SCAMP2: variants seen among roughly 807,000 people sequenced by gnomAD.
The protein encoded by SCAMP2 is secretory carrier membrane protein 2.
Under a neutral mutation model 44.1 loss-of-function variants are expected in SCAMP2, and 25 were observed. That is an observed-to-expected ratio of 0.57 (90% CI 0.41 to 0.79). SCAMP2 has a LOEUF of 0.79. SCAMP2 is among the 30% of genes least tolerant of loss of function. The probability of loss-of-function intolerance (pLI) is 0.00; values close to 1 mark genes in which losing one functional copy is unlikely to be tolerated. For missense variants in SCAMP2, 355 were observed against 411.0 expected (o/e 0.86, Z 1.18); for synonymous variants, 156 against 166.0 (o/e 0.94, Z 0.46).
intron 1 of SCAMP2, among the ~76,000 whole-genome samples, chr15:74,866,953 C>T (rs912420079): frequency 7.9e-5 from 12 of 152,116 alleles, no homozygotes; most frequent in East Asian, 1.9e-4. Context: ...CCCGCCATCA[C>T]GCCTGGCTAA....
chr15:74,856,446 T>TA (rs2064469685), intron 1 of SCAMP2, among the ~76,000 whole-genome samples: 1 of 151,600 alleles, frequency 6.6e-6, no homozygotes, highest in African/African-American at 2.4e-5. Context: ...AGCTAATTTT[T>TA]ATATTTTTAG....
chr15:74,852,188 TG>T lies in SCAMP2; in HGVS notation c.226-3del. 1.3e-6 allele frequency: 2 copies of T among 1,517,408 alleles called. No individual in the cohort carries two copies. The highest frequency in any genetic ancestry group is 1.3e-5 in the South Asian group (1 of 78,622). 94.0% of individuals were successfully genotyped at this position (1,517,408 alleles called of 1,614,324 possible). ...TGCCTGGGCTGCAGACACCACGGCC[TG>T]GAGAGAACAGGGGAGGTACAGGGAC... On this transcript the variant is annotated splice_polypyrimidine_tract_variant and splice_region_variant and intron_variant, in intron 3 of 8. Coordinates refer to ENST00000268099, the MANE Select transcript of SCAMP2 (RefSeq NM_005697.5).
intron 3 of SCAMP2, chr15:74,852,535 C>CA (rs1432577791): frequency 5.0e-6 from 1 of 199,748 alleles, no homozygotes; most frequent in East Asian, 1.2e-4. Context: ...AAAAAGACCT[C>CA]ACAAGAAACT....
At chr15:74,858,083 C>T (rs911333452) in intron 1 of SCAMP2, among the ~76,000 whole-genome samples, 1 of 152,176 alleles carries the variant, frequency 6.6e-6, no homozygotes. Context: ...AAAACCTAGG[C>T]TCTTTCTGAA....
At chr15:74,859,270 A>G (rs1012910275) in intron 1 of SCAMP2, among the ~76,000 whole-genome samples, 3 of 152,214 alleles carry the variant, frequency 2.0e-5, no homozygotes, top group African/African-American at 7.2e-5. Flanking sequence ...TTCATTCAGC[A>G]ACCAGCTACA....
intron 1 of SCAMP2, among the ~76,000 whole-genome samples, chr15:74,863,492 C>CA (rs898648391): frequency 2.0e-5 from 3 of 150,100 alleles, no homozygotes; most frequent in Non-Finnish European, 4.4e-5. Flanking sequence ...GCCTGGGTGA[C>CA]AGAGACAGAC....
chr15:74,859,087 G>A (rs1032403377), intron 1 of SCAMP2, among the ~76,000 whole-genome samples: 10 of 152,042 alleles, frequency 6.6e-5, no homozygotes, highest in African/African-American at 1.7e-4. Context: ...GGATTCAGGC[G>A]TGAGCCACCA....
chr15:74,864,509 A>C (rs925737587), intron 1 of SCAMP2, among the ~76,000 whole-genome samples: 1 of 152,216 alleles, frequency 6.6e-6, no homozygotes. Flanking sequence ...GTTGCTCTAC[A>C]GGCAACGGGG....
In SCAMP2 at chr15:74,854,022, T is replaced by G. The variant is rs745989053; in HGVS notation, c.224A>C (p.Gln75Pro). The G allele has an allele frequency of 6.2e-7, 1 of 1,613,162 alleles. No homozygotes were observed. Residue 75 changes from glutamine to proline, a missense_variant and splice_region_variant, in exon 3 of 9, where the codon CAG (glutamine) becomes CCG (proline). By Grantham distance (76) the Gln-to-Pro change is moderately conservative (BLOSUM62 -1). Transcript: ENST00000268099. ...GCCAGAGTTCTTTGTCAGCACTACC[T>G]GGGGGGTCGGCTGGGTTGGTTCCAC... is the stretch of plus-strand genomic sequence containing the variant. ...PSVEPTQPTP[Q>P]AVVSAAQAGL...
intron 7 of SCAMP2, 91 bp from the exon 8 acceptor site, chr15:74,845,684 C>A: frequency 6.7e-7 from 1 of 1,495,568 alleles, no homozygotes; most frequent in South Asian, 1.2e-5. Context: ...GCTGCTGTGT[C>A]CTGACCATCA....
At chr15:74,859,466 A>G (rs2064488668) in intron 1 of SCAMP2, among the ~76,000 whole-genome samples, 1 of 152,146 alleles carries the variant, frequency 6.6e-6, no homozygotes, top group Non-Finnish European at 1.5e-5. Context: ...TGTAGAAGGA[A>G]GACAGACAGC....
chr15:74,850,677 G>A lies in SCAMP2; in HGVS notation c.473-4C>T, dbSNP rs760188366. ...AGAAACAGAGTCACTGAATGCACTG[G>A]GGAAGGGGACAGGACAGAGTTATGA... On this transcript the variant is annotated splice_polypyrimidine_tract_variant and splice_region_variant and intron_variant, in intron 5 of 8. Transcript: ENST00000268099. 2 of 1,613,896 alleles carry A rather than the reference G, an allele frequency of 1.2e-6. No individual in the cohort carries two copies. The highest frequency in any genetic ancestry group is 4.5e-5 in the East Asian group (2 of 44,870).
At chr15:74,856,556 T>G (rs1184081384) in intron 1 of SCAMP2, among the ~76,000 whole-genome samples, 4 of 151,746 alleles carry the variant, frequency 2.6e-5, no homozygotes, top group Non-Finnish European at 4.4e-5. Flanking sequence ...ATTACAGATG[T>G]GAGCCACTGC....
intron 6 of SCAMP2, among the ~76,000 whole-genome samples, chr15:74,850,139 G>A (rs2064425824): frequency 1.3e-5 from 2 of 152,190 alleles, no homozygotes; most frequent in Non-Finnish European, 2.9e-5. Flanking sequence ...AAGAGCCCTG[G>A]AGAGCACTCA....
rs1213742078 is a variant in SCAMP2, at chr15:74,844,823, C to T, written c.*260G>A. ...GACGAAGAGAACTTCAGTCCCACTG[C>T]TTCCAGAGACAAAAGAATCCTACCA... is the stretch of plus-strand genomic sequence containing the variant. On this transcript the variant is annotated 3_prime_UTR_variant, in exon 9 of 9. Transcript: ENST00000268099. 4.7e-6 allele frequency: 2 copies of T among 424,778 alleles called. No homozygotes were observed. The highest frequency in any genetic ancestry group is 2.0e-5 in the African/African-American group (1 of 50,118). The allele number at this position is 424,778 out of a possible 1,614,324, so 26.3% of individuals were successfully genotyped here. A position where few individuals can be genotyped will look rare whatever the true frequency, so the allele number is the denominator to read the frequency against.
chr15:74,847,383 C>T (rs982311006), intron 7 of SCAMP2, among the ~76,000 whole-genome samples: 1 of 152,130 alleles, frequency 6.6e-6, no homozygotes, highest in African/African-American at 2.4e-5. Flanking sequence ...CATGAGCCAC[C>T]GCACCCAGCC....
chr15:74,849,287 A>G (rs974273555), intron 6 of SCAMP2, among the ~76,000 whole-genome samples: 2 of 152,202 alleles, frequency 1.3e-5, no homozygotes, highest in African/African-American at 4.8e-5. Flanking sequence ...GTCTCTACTA[A>G]AAACACAAAA....
At position 74,848,716 on chromosome 15, in the gene SCAMP2, G is replaced by T. The variant is rs377369547; in HGVS notation, c.633-15C>A. 3.6e-4 allele frequency: 572 copies of T among 1,585,760 alleles called. 2 individuals are homozygous for T. The highest frequency in any genetic ancestry group is 8.6e-5 in the Non-Finnish European group (99 of 1,155,384). On this transcript the variant is annotated splice_polypyrimidine_tract_variant and intron_variant, in intron 6 of 8. Transcript: ENST00000268099. ...AGTTGTCGGACCTGTGGAGAGAGAG[G>T]GAAATAAGTCACAAGAGGGCTTGGG...
At chr15:74,857,817 T>C (rs1596418015) in intron 1 of SCAMP2, among the ~76,000 whole-genome samples, 1 of 152,232 alleles carries the variant, frequency 6.6e-6, no homozygotes, top group African/African-American at 2.4e-5. Flanking sequence ...CCTGCAGCCA[T>C]GTGCATCTGT....
Sources: gnomAD v4.1 joint callset for allele counts (sites outside exome capture counted in the v4.1 genomes callset) on GRCh38, gnomAD v4.1.1 for gene constraint, MANE v1.5 for transcripts, NCBI Gene and HGNC (gene_info 2026-07-23, HGNC 2026-07-21) for gene names.